The following ADRA1D variants were observed in gnomAD, a reference collection of about 807,000 sequenced individuals.
ADRA1D encodes adrenoceptor alpha 1D.
Under a neutral mutation model 18.6 loss-of-function variants are expected in ADRA1D, and 22 were observed. The ratio of observed to expected loss-of-function variants is 1.19; its 90% CI spans 0.85 to 1.69. ADRA1D has a LOEUF of 1.69. ADRA1D is among the 40% of genes most tolerant of loss of function. ADRA1D has a pLI of 0.00. For missense variants in ADRA1D, 840 were observed against 840.7 expected, an observed-to-expected ratio of 1.00 and a Z score of 0.01; for synonymous variants, 376 against 388.2, an observed-to-expected ratio of 0.97 and a Z score of 0.37.
At chr20:4,229,809 A>G (rs1300663743) in intron 1 of ADRA1D, among the ~76,000 whole-genome samples, 3 of 151,586 alleles carry the variant, frequency 2.0e-5, no homozygotes, top group African/African-American at 7.3e-5. Context: ...TGCCCCCTGA[A>G]TCTTTTCTCA....
chr20:4,233,267 C>A (rs190421975), intron 1 of ADRA1D, among the ~76,000 whole-genome samples: 1 of 152,038 alleles, frequency 6.6e-6, no homozygotes. Flanking sequence ...TCCAGACTAG[C>A]CTGGGTAACA....
intron 1 of ADRA1D, among the ~76,000 whole-genome samples, chr20:4,240,664 C>T (rs1390305351): frequency 6.6e-6 from 1 of 152,084 alleles, no homozygotes. Context: ...CATGGTGGTG[C>T]ACACCTATAA....
At chr20:4,224,245 G>A (rs921062008) in intron 1 of ADRA1D, among the ~76,000 whole-genome samples, 1 of 152,130 alleles carries the variant, frequency 6.6e-6, no homozygotes, top group African/African-American at 2.4e-5. Context: ...CACTGCTCAT[G>A]GGCTGTTGAA....
At chr20:4,228,265 C>T (rs752282332) in intron 1 of ADRA1D, among the ~76,000 whole-genome samples, 17 of 152,168 alleles carry the variant, frequency 1.1e-4, no homozygotes, top group Non-Finnish European at 2.2e-4. Flanking sequence ...CTTGAACACG[C>T]TTGGGGTCTT....
intron 1 of ADRA1D, among the ~76,000 whole-genome samples, chr20:4,227,159 C>T (rs913469919): frequency 6.6e-6 from 1 of 152,208 alleles, no homozygotes; most frequent in African/African-American, 2.4e-5. Context: ...TCTCTGCAGT[C>T]CTCTGTCTTC....
Position 4,221,480 on chromosome 20 carries a change from T to C in ADRA1D, c.*43A>G. On this transcript the variant is annotated 3_prime_UTR_variant, in exon 2 of 2. Coordinates refer to ENST00000379453, the MANE Select transcript of ADRA1D (RefSeq NM_000678.4). ...ACCAGCCCGCCTCTCTGGTCCCCCT[T>C]ACCCCCAAGCCCAGCACACTCCGCG... 3 of 1,562,214 alleles carry C rather than the reference T, an allele frequency of 1.9e-6. No individual in the cohort carries two copies. The highest frequency in any genetic ancestry group is 2.7e-5 in the African/African-American group (2 of 73,606).
At position 4,248,818 on chromosome 20, in the gene ADRA1D, G is replaced by C; in HGVS notation, c.140C>G (p.Pro47Arg). 2 of 1,053,680 alleles carry C rather than the reference G, an allele frequency of 1.9e-6. No homozygotes were observed. Among genetic ancestry groups the C allele is most frequent in the South Asian group, 4.4e-5 (1 of 22,702 alleles). The allele number at this position is 1,053,680 out of a possible 1,614,324, so 65.3% of individuals were successfully genotyped here. ...PSEGPAVGGV[P>R]GGAGGGGGVV... The stretch of plus-strand genomic sequence containing the variant: ...GCCGCCGCCGCCGCCCGCGCCCCCC[G>C]GCACGCCGCCCACCGCCGGGCCCTC... The change falls in exon 1 of 2, where the codon CCG (proline) becomes CGG (arginine). Residue 47 changes from proline to arginine, a missense_variant. Coordinates refer to ENST00000379453, the MANE Select transcript of ADRA1D (RefSeq NM_000678.4).
At position 4,224,702 on chromosome 20, in the gene ADRA1D, G is replaced by GTGGGC; in HGVS notation, c.1112-2573_1112-2572insGCCCA. ...AGGCTGCAGGTGCCTGTGAGACCAA[G>GTGGGC]CAGGCCAGGGGTAGGGGGGGGTCCT... On this transcript the variant is annotated intron_variant, in intron 1 of 1. Transcript: ENST00000379453. Among the ~76,000 whole-genome samples, 5 of 136,178 alleles carry GTGGGC rather than the reference G, an allele frequency of 3.7e-5. 1 individual carries two copies. In the Admixed American group the frequency reaches 3.7e-4, roughly 10 times the overall value. The allele number at this position is 136,178 out of a possible 152,430, so 89.3% of individuals were successfully genotyped here. A position where few individuals can be genotyped will look rare whatever the true frequency, so the allele number is the denominator to read the frequency against.
intron 1 of ADRA1D, among the ~76,000 whole-genome samples, chr20:4,234,688 G>A (rs1568766223): frequency 6.6e-6 from 1 of 152,228 alleles, no homozygotes; most frequent in Non-Finnish European, 1.5e-5. Context: ...CCCCAGGAGA[G>A]GCTGGGACCT....
chr20:4,234,426 G>C (rs1334973246), intron 1 of ADRA1D, among the ~76,000 whole-genome samples: 3 of 152,152 alleles, frequency 2.0e-5, no homozygotes, highest in East Asian at 1.9e-4. Flanking sequence ...GAAATATCAG[G>C]CTGCACCCCA....
intron 1 of ADRA1D, among the ~76,000 whole-genome samples, chr20:4,234,010 G>A (rs879821664): frequency 2.0e-5 from 3 of 152,152 alleles, no homozygotes; most frequent in Non-Finnish European, 4.4e-5. Context: ...CTAACCTAAC[G>A]TTTGGGGGAC....
chr20:4,229,264 A>T (rs929556200), intron 1 of ADRA1D, among the ~76,000 whole-genome samples: 1 of 152,162 alleles, frequency 6.6e-6, no homozygotes, highest in East Asian at 1.9e-4. Context: ...CCTCCTAGAC[A>T]TCTCCACTTG....
At chr20:4,229,110 C>T (rs546712102) in intron 1 of ADRA1D, among the ~76,000 whole-genome samples, 1 of 152,350 alleles carries the variant, frequency 6.6e-6, no homozygotes, top group South Asian at 2.1e-4. Flanking sequence ...CACATCCTCA[C>T]TGCTAAATGT....
Position 4,222,022 on chromosome 20 carries a change from C to T in ADRA1D, c.1220G>A (p.Arg407His). 1 of 1,605,792 alleles carries T rather than the reference C, an allele frequency of 6.2e-7. No homozygotes were observed. Among genetic ancestry groups the T allele is most frequent in the South Asian group, 1.1e-5 (1 of 90,300 alleles). Residue 407 changes from arginine to histidine, a missense_variant, in exon 2 of 2, where the codon CGC becomes CAC. Coordinates refer to ENST00000379453, the MANE Select transcript of ADRA1D (RefSeq NM_000678.4). This position sits in a 1 kb window ranked among gnomAD's most constrained non-coding sequence, Gnocchi z 4.3. ...VNPLIYPCSS[R>H]EFKRAFLRLL... is the part of the protein sequence containing the mutation. ...ACGGAGGAAGGCGCGCTTGAACTCG[C>T]GGCTGGAACAGGGGTAGATGAGCGG...
chr20:4,245,979 C>T (rs1268979609), intron 1 of ADRA1D, among the ~76,000 whole-genome samples: 2 of 152,206 alleles, frequency 1.3e-5, no homozygotes, highest in Non-Finnish European at 2.9e-5. Flanking sequence ...ACAAAAGCTA[C>T]AGTTCCACGA....
rs1439012272 is a variant in ADRA1D, at chr20:4,248,884, G to A, written c.74C>T (p.Ala25Val). 4 of 1,151,800 alleles carry A rather than the reference G, an allele frequency of 3.5e-6. No individual in the cohort carries two copies. The highest frequency in any genetic ancestry group is 4.3e-6 in the Non-Finnish European group (4 of 934,990). 71.3% of individuals were successfully genotyped at this position (1,151,800 alleles called of 1,614,324 possible). A position where few individuals can be genotyped will look rare whatever the true frequency, so the allele number is the denominator to read the frequency against. Residue 25 changes from alanine to valine, a missense_variant, in exon 1 of 2, where the codon GCG (alanine) becomes GTG (valine). Coordinates refer to ENST00000379453, the MANE Select transcript of ADRA1D (RefSeq NM_000678.4). The stretch of plus-strand genomic sequence containing the variant: ...GCCCGCGCTGCCCCCGCCGCCGCCC[G>A]CGCTGGAGCCCCCTGCGCTGCTGTC... ...RPDSSAGGSS[A>V]GGGGGSAGGA... is the part of the protein sequence containing the mutation.
chr20:4,248,121 C>G lies in ADRA1D; in HGVS notation c.837G>C (p.Val279=), dbSNP rs1305250877. The change falls in exon 1 of 2, where the codon GTG becomes GTC. Residue 279 remains valine (V), a synonymous_variant. Coordinates refer to ENST00000379453, the MANE Select transcript of ADRA1D (RefSeq NM_000678.4). The stretch of plus-strand genomic sequence containing the variant: ...GGCTGCGCGTGGTGCTGCGCGCGAC[C>G]ACGTACACGCGGCAGTACATGACCA... ...VIVVMYCRVY[V]VARSTTRSLE... 6.4e-7 allele frequency: 1 copy of G among 1,565,848 alleles called. No individual in the cohort carries two copies. Among genetic ancestry groups the G allele is most frequent in the Admixed American group, 1.9e-5 (1 of 52,690 alleles).
rs1227672683 is a variant in ADRA1D, at chr20:4,222,459, G to A, written c.1112-329C>T. ...CAGTTTCGTATTATGAGACAAAGTA[G>A]CAAACATAGCCATGTTTGCTCATTT... On this transcript the variant is annotated intron_variant, in intron 1 of 1. Coordinates refer to ENST00000379453, the MANE Select transcript of ADRA1D (RefSeq NM_000678.4). This position sits in a 1 kb window ranked among gnomAD's most constrained non-coding sequence, Gnocchi z 4.3. 2 of 209,044 alleles carry A rather than the reference G, an allele frequency of 9.6e-6. No homozygotes were observed. The highest frequency in any genetic ancestry group is 2.3e-4 in the East Asian group (2 of 8,580). 12.9% of individuals were successfully genotyped at this position (209,044 alleles called of 1,614,324 possible). A position where few individuals can be genotyped will look rare whatever the true frequency, so the allele number is the denominator to read the frequency against.
chr20:4,248,596 A>G lies in ADRA1D; in HGVS notation c.362T>C (p.Val121Ala). 1 of 1,613,508 alleles carries G rather than the reference A, an allele frequency of 6.2e-7. No homozygotes were observed. The highest frequency in any genetic ancestry group is 8.5e-7 in the Non-Finnish European group (1 of 1,179,926). ...VAGNLLVILS[V>A]ACNRHLQTVT... ...GGTCTGCAGGTGGCGGTTGCAGGCC[A>G]CTGAGAGGATGACAAGCAGGTTACC... Residue 121 changes from valine (V) to alanine (A), a missense_variant, in exon 1 of 2, where the codon GTG (valine) becomes GCG (alanine). Val to Ala is a moderately conservative substitution (Grantham distance 64). Transcript: ENST00000379453.
Sources: gnomAD v4.1 joint callset for allele counts (sites outside exome capture counted in the v4.1 genomes callset) on GRCh38, gnomAD v4.1.1 for gene constraint, Gnocchi (gnomAD v3.1) non-coding constraint, MANE v1.5 for transcripts, NCBI Gene and HGNC (gene_info 2026-07-23, HGNC 2026-07-21) for gene names.